INPP4B: variants seen among roughly 807,000 people sequenced by gnomAD.
INPP4B encodes inositol polyphosphate-4-phosphatase type II B.
A neutral mutation model predicts 122.5 loss-of-function variants in INPP4B; 55 were observed. The ratio of observed to expected loss-of-function variants is 0.45; its 90% confidence interval spans 0.36 to 0.56. INPP4B has a LOEUF of 0.56. Ranked by LOEUF, INPP4B falls within the 20% of genes least tolerant of loss-of-function variation. The pLI, the probability that INPP4B is intolerant of heterozygous loss-of-function variation, is 0.00. For synonymous variants in INPP4B, 403 were observed against 388.7 expected, an observed-to-expected ratio of 1.04 and a Z score of -0.43; for missense variants, 1,000 against 1,097.7, an observed-to-expected ratio of 0.91 and a Z score of 1.26.
At chr4:142,387,099 G>T (rs1397905769) in intron 7 of INPP4B, among the ~76,000 whole-genome samples, 1 of 152,076 alleles carries the variant, frequency 6.6e-6, no homozygotes, top group Non-Finnish European at 1.5e-5. Context: ...ATTTGATCCG[G>T]TAATTAACTG....
At chr4:142,173,959 C>A in intron 15 of INPP4B, 150 bp from the exon 16 acceptor site, 1 of 683,790 alleles carries the variant, frequency 1.5e-6, no homozygotes, top group Non-Finnish European at 2.5e-6. Flanking sequence ...GATGCACTAG[C>A]AATTTTTATG....
At chr4:142,534,058 C>T (rs113853596) in intron 2 of INPP4B, among the ~76,000 whole-genome samples, 347 of 152,254 alleles carry the variant, frequency 2.3e-3, no homozygotes, top group African/African-American at 8.1e-3. Context: ...TCCCGGGTAT[C>T]TAATTTTAGA....
intron 18 of INPP4B, among the ~76,000 whole-genome samples, chr4:142,137,760 A>T (rs975902850): frequency 2.0e-5 from 3 of 151,380 alleles, no homozygotes; most frequent in African/African-American, 7.3e-5. Flanking sequence ...GAAGACATTT[A>T]TGCAGCCAAA....
chr4:142,379,939 G>A (rs1225112252), intron 7 of INPP4B, among the ~76,000 whole-genome samples: 2 of 152,188 alleles, frequency 1.3e-5, no homozygotes, highest in East Asian at 3.9e-4. Flanking sequence ...GCCAGGTGCT[G>A]GAGGCCTAAG....
chr4:142,232,028 CT>C (rs535708606), intron 12 of INPP4B, among the ~76,000 whole-genome samples: 1 of 152,128 alleles, frequency 6.6e-6, no homozygotes, highest in African/African-American at 2.4e-5. Context: ...TCGATGAGTG[CT>C]TTTGTATTAC....
intron 25 of INPP4B, among the ~76,000 whole-genome samples, chr4:142,031,434 T>C (rs1425234097): frequency 6.6e-6 from 1 of 152,180 alleles, no homozygotes; most frequent in Non-Finnish European, 1.5e-5. Flanking sequence ...AGCATTTACA[T>C]AAATATCATA....
At chr4:142,030,103 A>G in intron 25 of INPP4B, 1 of 1,490,860 alleles carries the variant, frequency 6.7e-7, no homozygotes, top group Non-Finnish European at 8.9e-7. Context: ...ATTTGTAGAA[A>G]AGAAAAAGGA....
At position 142,545,803 on chromosome 4, in the gene INPP4B, ATACACATATACATGTGTG is replaced by A. The variant is rs1182267676; in HGVS notation, c.-190-83095_-190-83078del. Among the ~76,000 whole-genome samples, 261 of 90,378 alleles carry A rather than the reference ATACACATATACATGTGTG, an allele frequency of 2.9e-3. 1 individual carries two copies. The highest frequency in any genetic ancestry group is 0.011 in the East Asian group (18 of 1,580). 59.3% of individuals were successfully genotyped at this position (90,378 alleles called of 152,430 possible). A position where few individuals can be genotyped will look rare whatever the true frequency, so the allele number is the denominator to read the frequency against. The stretch of plus-strand genomic sequence containing the variant: ...TACACATATATATGTGTGTATATAT[ATACACATATACATGTGTG>A]TATATATATATATATAAAATGGTCT... On this transcript the variant is annotated intron_variant, in intron 2 of 25. Coordinates refer to ENST00000262992, the MANE Select transcript of INPP4B (RefSeq NM_001101669.3).
chr4:142,511,853 T>C (rs1427298404), intron 2 of INPP4B, among the ~76,000 whole-genome samples: 1 of 152,190 alleles, frequency 6.6e-6, no homozygotes, highest in African/African-American at 2.4e-5. Flanking sequence ...AACAATTTCC[T>C]CTACACCCTT....
In INPP4B at chr4:142,132,821, T is replaced by A. The variant is rs1337477664; in HGVS notation, c.1721-8061A>T. Among the ~76,000 whole-genome samples the A allele has an allele frequency of 3.3e-5, 5 of 152,358 alleles. No individual in the cohort carries two copies. In the East Asian group the frequency reaches 9.6e-4, roughly 29 times the overall value. On this transcript the variant is annotated intron_variant, in intron 18 of 25. Transcript: ENST00000262992. ...TATCACTGTTTTGACCCTAATTCCC[T>A]TTACAGCTCCTATACTTTATTTCTC...
chr4:142,586,634 C>A (rs1365809370), intron 2 of INPP4B, among the ~76,000 whole-genome samples: 1 of 152,262 alleles, frequency 6.6e-6, no homozygotes, highest in East Asian at 1.9e-4. Context: ...GAGAATAACA[C>A]ACAGGCTAGT....
At chr4:142,215,664 C>A (rs557581494) in intron 12 of INPP4B, among the ~76,000 whole-genome samples, 2 of 151,704 alleles carry the variant, frequency 1.3e-5, no homozygotes, top group Non-Finnish European at 1.5e-5. Flanking sequence ...GAGGCCGAGG[C>A]GGGCAGATCA....
intron 1 of INPP4B, among the ~76,000 whole-genome samples, chr4:142,826,502 A>T (rs1781480176): frequency 1.4e-5 from 2 of 146,724 alleles, no homozygotes; most frequent in Admixed American, 6.8e-5. Flanking sequence ...AAAATCACAC[A>T]CACACACACA....
intron 10 of INPP4B, among the ~76,000 whole-genome samples, chr4:142,262,453 G>C (rs1740552186): frequency 6.6e-6 from 1 of 151,958 alleles, no homozygotes; most frequent in Non-Finnish European, 1.5e-5. Context: ...CTTATTTCCT[G>C]AAAGTTTCAG....
At chr4:142,107,032 C>A (rs1787504093) in intron 23 of INPP4B, among the ~76,000 whole-genome samples, 1 of 151,848 alleles carries the variant, frequency 6.6e-6, no homozygotes, top group Admixed American at 6.6e-5. Context: ...AGGTAATTAA[C>A]AAATTTAATA....
At chr4:142,376,318 C>G (rs1452970929) in intron 7 of INPP4B, among the ~76,000 whole-genome samples, 1 of 151,958 alleles carries the variant, frequency 6.6e-6, no homozygotes, top group Non-Finnish European at 1.5e-5. Context: ...GACCTGAAAA[C>G]ATGGCTTTGT....
chr4:142,467,535 T>C (rs1176243718), intron 2 of INPP4B, among the ~76,000 whole-genome samples: 1 of 138,858 alleles, frequency 7.2e-6, no homozygotes, highest in African/African-American at 2.5e-5. Context: ...CTAGTTTTTT[T>C]TTTGTTTTTT....
intron 18 of INPP4B, among the ~76,000 whole-genome samples, chr4:142,142,138 C>A (rs930692633): frequency 6.6e-6 from 1 of 151,902 alleles, no homozygotes; most frequent in Non-Finnish European, 1.5e-5. Context: ...AATTGCTTGC[C>A]TAATCAATTC....
At chr4:142,415,102 C>A (rs1906871) in intron 5 of INPP4B, among the ~76,000 whole-genome samples, 149,147 of 152,230 alleles carry the variant, frequency 0.98, 73,150 homozygotes, top group Middle Eastern at 1. Flanking sequence ...TGAGGTGGCA[C>A]CATTTTTTTG....
Sources: allele counts gnomAD v4.1 joint callset (sites outside exome capture counted in the v4.1 genomes callset), GRCh38; gene constraint gnomAD v4.1.1; transcripts MANE v1.5; gene names NCBI Gene and HGNC (gene_info 2026-07-23, HGNC 2026-07-21).